Variants in CNTN5 observed in about 807,000 individuals in gnomAD.
CNTN5 encodes the protein contactin-5.
A neutral mutation model predicts 129.1 loss-of-function variants in CNTN5; 77 were observed. The ratio of observed to expected loss-of-function variants is 0.60; its 90% CI spans 0.50 to 0.72. The LOEUF (loss-of-function observed/expected upper bound fraction) is 0.72, where lower values mean the gene tolerates loss of function less well. Among genes scored for constraint, CNTN5 ranks in the 30% least tolerant of loss-of-function variants. The pLI is 0.00. For synonymous variants in CNTN5, 509 were observed against 465.6 expected, an observed-to-expected ratio of 1.09 and a Z score of -1.20; for missense variants, 1,478 against 1,328.8, an observed-to-expected ratio of 1.11 and a Z score of -1.75.
intron 1 of CNTN5, among the ~76,000 whole-genome samples, chr11:99,308,660 T>G (rs1864974103): frequency 6.6e-6 from 1 of 152,220 alleles, no homozygotes; most frequent in African/African-American, 2.4e-5. Flanking sequence ...CAGGAAAATA[T>G]TCAACCGTTA....
At chr11:100,136,951 G>A (rs945594255) in intron 13 of CNTN5, among the ~76,000 whole-genome samples, 6 of 151,742 alleles carry the variant, frequency 4.0e-5, no homozygotes, top group South Asian at 2.1e-4. Context: ...AAATTAAAAT[G>A]AATTCAGATA....
chr11:100,039,413 A>C (rs1377217843), intron 9 of CNTN5, among the ~76,000 whole-genome samples: 1 of 151,760 alleles, frequency 6.6e-6, no homozygotes, highest in African/African-American at 2.4e-5. Flanking sequence ...TTTTTCCTTC[A>C]TTTCAACTTT....
intron 3 of CNTN5, among the ~76,000 whole-genome samples, chr11:99,673,017 A>G (rs938741803): frequency 2.0e-5 from 3 of 152,066 alleles, no homozygotes; most frequent in East Asian, 1.9e-4. Context: ...CTACTCAGGG[A>G]GCCTTACAGA....
At position 100,195,864 on chromosome 11, in the gene CNTN5, C is replaced by G. The variant is rs140370723; in HGVS notation, c.1884+2201C>G. On this transcript the variant is annotated intron_variant, in intron 15 of 24. Coordinates refer to ENST00000524871, the MANE Select transcript of CNTN5 (RefSeq NM_014361.4). The stretch of plus-strand genomic sequence containing the variant: ...AATGGAAAGAACAACATTCTGTTTC[C>G]CTTCTGCCCTTCTCATGTAAATTAT... Among the ~76,000 whole-genome samples the G allele has an allele frequency of 1.4e-3, 209 of 152,004 alleles. 1 individual carries two copies. Among genetic ancestry groups the G allele is most frequent in the Non-Finnish European group, 2.1e-3 (142 of 67,918 alleles).
intron 1 of CNTN5, among the ~76,000 whole-genome samples, chr11:99,186,469 T>C (rs1276978644): frequency 6.6e-6 from 1 of 151,984 alleles, no homozygotes; most frequent in Non-Finnish European, 1.5e-5. Flanking sequence ...GATTTCTTAA[T>C]GTAAAATTGA....
At chr11:99,224,574 A>G (rs1252405092) in intron 1 of CNTN5, among the ~76,000 whole-genome samples, 1 of 151,482 alleles carries the variant, frequency 6.6e-6, no homozygotes, top group African/African-American at 2.4e-5. Context: ...AGATGGAATC[A>G]CTCATTGTGC....
At chr11:99,528,359 C>T (rs77316095) in intron 2 of CNTN5, among the ~76,000 whole-genome samples, 3,520 of 152,180 alleles carry the variant, frequency 0.023, 109 homozygotes, top group East Asian at 0.093. Flanking sequence ...GTTACGAGCA[C>T]GTGAATTGTA....
At chr11:99,694,134 A>G (rs1954157012) in intron 3 of CNTN5, among the ~76,000 whole-genome samples, 1 of 149,414 alleles carries the variant, frequency 6.7e-6, no homozygotes, top group Non-Finnish European at 1.5e-5. Context: ...AGAAAGCTAG[A>G]AAAAAAAAAC....
At chr11:99,771,679 CA>C (rs1248383537) in intron 3 of CNTN5, among the ~76,000 whole-genome samples, 1 of 151,928 alleles carries the variant, frequency 6.6e-6, no homozygotes, top group Non-Finnish European at 1.5e-5. Context: ...TCAGAAGTTA[CA>C]TATAATCAAT....
chr11:100,336,658 C>T (rs1952044236), intron 21 of CNTN5, among the ~76,000 whole-genome samples: 1 of 152,106 alleles, frequency 6.6e-6, no homozygotes, highest in African/African-American at 2.4e-5. Flanking sequence ...TCTGAGGAAA[C>T]AAACTAAATA....
intron 1 of CNTN5, among the ~76,000 whole-genome samples, chr11:99,242,501 T>C (rs1861611491): frequency 6.6e-6 from 1 of 152,044 alleles, no homozygotes; most frequent in Admixed American, 6.6e-5. Context: ...AACTTTTATT[T>C]TATGTTCGGA....
intron 3 of CNTN5, among the ~76,000 whole-genome samples, chr11:99,807,026 CAATAG>C (rs1946294004): frequency 6.6e-6 from 1 of 151,432 alleles, no homozygotes; most frequent in Non-Finnish European, 1.5e-5. Flanking sequence ...AATCAGAACT[CAATAG>C]GATAAAAGAA....
At chr11:99,613,678 T>TA (rs1235825528) in intron 3 of CNTN5, among the ~76,000 whole-genome samples, 2 of 104,866 alleles carry the variant, frequency 1.9e-5, no homozygotes, top group Admixed American at 9.4e-5. Context: ...AAAATCCTTA[T>TA]AGTAAAGTAA....
intron 8 of CNTN5, among the ~76,000 whole-genome samples, chr11:99,977,984 T>G (rs1938098549): frequency 6.6e-6 from 1 of 152,248 alleles, no homozygotes; most frequent in Non-Finnish European, 1.5e-5. Flanking sequence ...AGTCATGTGC[T>G]GCATAGCAAT....
chr11:99,546,699 C>A (rs1157666941), intron 2 of CNTN5, among the ~76,000 whole-genome samples: 1 of 152,036 alleles, frequency 6.6e-6, no homozygotes. Flanking sequence ...TAATAAAATT[C>A]ACACTCCTTT....
chr11:99,467,945 T>C (rs1391417737), intron 2 of CNTN5, among the ~76,000 whole-genome samples: 6 of 152,152 alleles, frequency 3.9e-5, no homozygotes, highest in Non-Finnish European at 8.8e-5. Context: ...AAATTTCCTC[T>C]TCATTCCTGT....
chr11:99,105,615 GAC>G (rs2135365472), intron 1 of CNTN5, among the ~76,000 whole-genome samples: 1 of 152,142 alleles, frequency 6.6e-6, no homozygotes, highest in East Asian at 1.9e-4. Flanking sequence ...TTTCAAACAT[GAC>G]AAAGACAAGA....
intron 1 of CNTN5, among the ~76,000 whole-genome samples, chr11:99,205,334 C>G (rs1343398218): frequency 6.6e-6 from 1 of 152,054 alleles, no homozygotes; most frequent in African/African-American, 2.4e-5. Flanking sequence ...TTCCATAACC[C>G]TCCCCCTCTA....
intron 6 of CNTN5, among the ~76,000 whole-genome samples, chr11:99,865,283 G>A (rs1271798295): frequency 4.0e-5 from 6 of 151,886 alleles, no homozygotes; most frequent in Admixed American, 3.3e-4. Flanking sequence ...AGTTTGGGAC[G>A]AGATCTTTGA....
Sources: gnomAD v4.1 joint callset for allele counts (sites outside exome capture counted in the v4.1 genomes callset) on GRCh38, gnomAD v4.1.1 for gene constraint, MANE v1.5 for transcripts, NCBI Gene and HGNC (gene_info 2026-07-23, HGNC 2026-07-21) for gene names.